The following PTCHD4 variants were observed in gnomAD, a reference collection of about 807,000 sequenced individuals.
PTCHD4 encodes the protein patched domain containing 4, also known as patched domain-containing protein 4.
PTCHD4 carries 33 observed loss-of-function variants against 58.1 expected under a neutral mutation model. The ratio of observed to expected loss-of-function variants is 0.57; its 90% confidence interval spans 0.43 to 0.76. The LOEUF is 0.76. Ranked by LOEUF, PTCHD4 falls within the 30% of genes least tolerant of loss-of-function variation. PTCHD4 has a pLI of 0.00. For missense variants in PTCHD4, 1,058 were observed against 1,027.1 expected (o/e 1.03, Z -0.41); for synonymous variants, 478 against 409.6 (o/e 1.17, Z -2.02).
At chr6:47,952,678 T>C (rs1766699333) in intron 4 of PTCHD4, among the ~76,000 whole-genome samples, 1 of 152,134 alleles carries the variant, frequency 6.6e-6, no homozygotes. Context: ...TATAACTGCC[T>C]ACAGTATTCA....
At chr6:48,034,628 C>A (rs975531753) in intron 3 of PTCHD4, among the ~76,000 whole-genome samples, 1 of 151,996 alleles carries the variant, frequency 6.6e-6, no homozygotes, top group Admixed American at 6.6e-5. Flanking sequence ...CAGAGTAATA[C>A]TCAGGTTTTA....
rs1414272353 is a variant in PTCHD4, at chr6:47,870,489, G to C, written c.*7814C>G. Among the ~76,000 whole-genome samples, 1 of 151,534 alleles carries C rather than the reference G, an allele frequency of 6.6e-6. No homozygotes were observed. Among genetic ancestry groups the C allele is most frequent in the Non-Finnish European group, 1.5e-5 (1 of 67,686 alleles). On this transcript the variant is annotated 3_prime_UTR_variant, in exon 5 of 5. Transcript: ENST00000339488. ...TTGTTCTTTATTTGTTTCTATTATA[G>C]TTAAGAAAAACCTGTTTTGCAAAAT... is the stretch of plus-strand genomic sequence containing the variant.
intron 4 of PTCHD4, among the ~76,000 whole-genome samples, chr6:47,912,466 G>A (rs542614514): frequency 6.6e-5 from 10 of 152,098 alleles, no homozygotes; most frequent in Admixed American, 1.3e-4. Flanking sequence ...TGACCATTGC[G>A]TCCCCCAACA....
intron 3 of PTCHD4, among the ~76,000 whole-genome samples, chr6:48,039,703 GA>G (rs1763775257): frequency 6.6e-6 from 1 of 152,184 alleles, no homozygotes; most frequent in South Asian, 2.1e-4. Context: ...TCAATTAGAT[GA>G]ATTTGAAATG....
intron 1 of PTCHD4, among the ~76,000 whole-genome samples, chr6:48,092,481 G>C (rs1765386089): frequency 6.6e-6 from 1 of 152,120 alleles, no homozygotes; most frequent in Non-Finnish European, 1.5e-5. Flanking sequence ...ATAACTACTG[G>C]TTATGAGCCA....
At chr6:47,992,724 G>C (rs1444923511) in intron 4 of PTCHD4, among the ~76,000 whole-genome samples, 4 of 152,106 alleles carry the variant, frequency 2.6e-5, no homozygotes, top group Non-Finnish European at 4.4e-5. Flanking sequence ...AATAGTATCT[G>C]GATGGTGGTT....
At chr6:47,915,492 C>T (rs1331771204) in intron 4 of PTCHD4, among the ~76,000 whole-genome samples, 1 of 151,664 alleles carries the variant, frequency 6.6e-6, no homozygotes, top group African/African-American at 2.4e-5. Flanking sequence ...AAGGTGGTTA[C>T]ATCAGCTCTG....
At chr6:48,019,608 C>T (rs757279541) in intron 3 of PTCHD4, among the ~76,000 whole-genome samples, 8 of 151,838 alleles carry the variant, frequency 5.3e-5, no homozygotes, top group Non-Finnish European at 7.4e-5. Flanking sequence ...TGGTGGGGGG[C>T]TCCTGTAATT....
At chr6:47,907,548 C>A (rs530869648) in intron 4 of PTCHD4, among the ~76,000 whole-genome samples, 2 of 152,256 alleles carry the variant, frequency 1.3e-5, no homozygotes, top group South Asian at 4.1e-4. Flanking sequence ...TTTTGCCTTC[C>A]ATACACCCTA....
chr6:47,937,790 T>G (rs1433182431), intron 4 of PTCHD4, among the ~76,000 whole-genome samples: 2 of 152,124 alleles, frequency 1.3e-5, no homozygotes, highest in Non-Finnish European at 2.9e-5. Flanking sequence ...AGAGGGGACC[T>G]GCAATGGAGA....
chr6:47,991,456 T>A (rs1376598125), intron 4 of PTCHD4, among the ~76,000 whole-genome samples: 3 of 152,086 alleles, frequency 2.0e-5, no homozygotes, highest in African/African-American at 4.8e-5. Flanking sequence ...AGCAGGACAT[T>A]TCTAGAGAAC....
intron 4 of PTCHD4, chr6:47,901,492 A>C: frequency 1.0e-6 from 1 of 979,922 alleles, no homozygotes; most frequent in Non-Finnish European, 1.2e-6. Flanking sequence ...AAACTTCATC[A>C]GTCAGTATTT....
intron 4 of PTCHD4, among the ~76,000 whole-genome samples, chr6:47,913,005 T>C (rs1436118744): frequency 3.3e-5 from 5 of 152,290 alleles, no homozygotes; most frequent in African/African-American, 1.2e-4. Flanking sequence ...CAGTCATCTC[T>C]AGTTCTGAGT....
At chr6:48,062,441 A>G (rs1040413794) in intron 3 of PTCHD4, among the ~76,000 whole-genome samples, 2 of 152,108 alleles carry the variant, frequency 1.3e-5, no homozygotes, top group African/African-American at 4.8e-5. Flanking sequence ...GAATGGAGAG[A>G]ACGCTTTCTA....
intron 1 of PTCHD4, among the ~76,000 whole-genome samples, chr6:48,092,004 C>A (rs754858145): frequency 2.0e-5 from 3 of 151,740 alleles, no homozygotes; most frequent in Non-Finnish European, 4.4e-5. Flanking sequence ...CACACACACA[C>A]ATACACACAC....
chr6:47,983,043 A>T (rs1767941382), intron 4 of PTCHD4, among the ~76,000 whole-genome samples: 1 of 152,188 alleles, frequency 6.6e-6, no homozygotes, highest in South Asian at 2.1e-4. Context: ...TTCAGAAATT[A>T]ATTGAATTAA....
chr6:48,106,409 C>T (rs565407486), intron 1 of PTCHD4, among the ~76,000 whole-genome samples: 4 of 152,160 alleles, frequency 2.6e-5, no homozygotes, highest in East Asian at 1.9e-4. Context: ...CAATGCTTCA[C>T]GCTAAAAATT....
intron 3 of PTCHD4, 110 bp from the exon 4 acceptor site, chr6:48,009,224 G>A (rs1356130582): frequency 8.5e-7 from 1 of 1,182,716 alleles, no homozygotes. Context: ...GCTAGTAATT[G>A]TGAAACTGAT....
chr6:48,096,309 G>A (rs2113907325), intron 1 of PTCHD4, among the ~76,000 whole-genome samples: 1 of 152,162 alleles, frequency 6.6e-6, no homozygotes, highest in South Asian at 2.1e-4. Flanking sequence ...AAATGGGGAT[G>A]TCTTGAAATT....
Sources: gnomAD v4.1 joint callset for allele counts (sites outside exome capture counted in the v4.1 genomes callset) on GRCh38, gnomAD v4.1.1 for gene constraint, MANE v1.5 for transcripts, NCBI Gene and HGNC (gene_info 2026-07-23, HGNC 2026-07-21) for gene names.